Variants in ABCA13 observed in about 807,000 individuals in gnomAD.
ABCA13 encodes the protein ATP binding cassette subfamily A member 13.
Under a neutral mutation model 478.7 loss-of-function variants are expected in ABCA13, and 476 were observed. That is an observed-to-expected ratio of 0.99 (90% CI 0.92 to 1.07). The LOEUF is 1.07. Ranked by LOEUF, ABCA13 falls within the 50% of genes least tolerant of loss-of-function variation. The pLI is 0.00. For missense variants in ABCA13, 6,060 were observed against 5,910.6 expected (o/e 1.03, Z -0.83); for synonymous variants, 2,252 against 2,158.9 (o/e 1.04, Z -1.20).
At chr7:48,551,048 C>T (rs1462878039) in intron 55 of ABCA13, among the ~76,000 whole-genome samples, 1 of 151,546 alleles carries the variant, frequency 6.6e-6, no homozygotes, top group Non-Finnish European at 1.5e-5. Context: ...CTAAATAAAT[C>T]ATTTTTTCTT....
chr7:48,270,481 C>T (rs1795450908), intron 16 of ABCA13, among the ~76,000 whole-genome samples: 1 of 152,130 alleles, frequency 6.6e-6, no homozygotes, highest in Admixed American at 6.5e-5. Context: ...GTTTTATATT[C>T]TCCTCTATCA....
intron 19 of ABCA13, among the ~76,000 whole-genome samples, chr7:48,286,018 T>A (rs1006940512): frequency 6.6e-6 from 1 of 152,226 alleles, no homozygotes; most frequent in Non-Finnish European, 1.5e-5. Context: ...GGTTGAAAAC[T>A]GTTTTAGTAA....
chr7:48,171,501 C>A lies in ABCA13; in HGVS notation c.18C>A (p.Cys6Ter), dbSNP rs1414689998. MGHAG[C>*]QFKALLWKNW... ...CAGCAGGCATGGGGCATGCCGGGTG[C>A]CAGTTCAAAGCCCTGCTGTGGAAGA... Residue 6 changes from cysteine to a stop codon, truncating the protein, a stop_gained, in exon 1 of 62, where the codon TGC becomes TGA. Transcript: ENST00000435803. LOFTEE classifies it high-confidence loss of function. 48 of 1,536,066 alleles carry A rather than the reference C, an allele frequency of 3.1e-5. No individual in the cohort carries two copies. Among genetic ancestry groups the A allele is most frequent in the South Asian group, 6.0e-5 (5 of 84,006 alleles).
intron 43 of ABCA13, among the ~76,000 whole-genome samples, chr7:48,459,152 C>G (rs1033258073): frequency 3.9e-5 from 6 of 152,248 alleles, no homozygotes; most frequent in Admixed American, 1.3e-4. Context: ...CACAGAGCAG[C>G]CCCAGAGAAA....
chr7:48,457,919 C>CT (rs1563290088), intron 43 of ABCA13, among the ~76,000 whole-genome samples: 1 of 152,150 alleles, frequency 6.6e-6, no homozygotes, highest in Non-Finnish European at 1.5e-5. Context: ...CATTTTCTTG[C>CT]TTTTTTGTTA....
At chr7:48,327,628 A>T (rs979728728) in intron 27 of ABCA13, among the ~76,000 whole-genome samples, 4 of 152,224 alleles carry the variant, frequency 2.6e-5, no homozygotes, top group Admixed American at 2.6e-4. Flanking sequence ...TTATTAGATG[A>T]TAAACAGAAG....
intron 42 of ABCA13, among the ~76,000 whole-genome samples, chr7:48,449,021 T>C (rs1015372217): frequency 6.6e-6 from 1 of 152,042 alleles, no homozygotes; most frequent in African/African-American, 2.4e-5. Context: ...TTTTGTATTT[T>C]TAGTAGAGAT....
At chr7:48,353,327 T>G (rs1197386349) in intron 31 of ABCA13, among the ~76,000 whole-genome samples, 2 of 151,644 alleles carry the variant, frequency 1.3e-5, no homozygotes, top group Non-Finnish European at 2.9e-5. Context: ...CTGGATAATG[T>G]AGGTCATTCA....
chr7:48,505,986 T>C (rs1831171908), intron 48 of ABCA13, among the ~76,000 whole-genome samples: 1 of 152,208 alleles, frequency 6.6e-6, no homozygotes, highest in Non-Finnish European at 1.5e-5. Context: ...CTTCTTTGCA[T>C]ATTGTTACTT....
At chr7:48,442,702 C>T (rs1823790791) in intron 42 of ABCA13, among the ~76,000 whole-genome samples, 2 of 152,190 alleles carry the variant, frequency 1.3e-5, no homozygotes, top group South Asian at 2.1e-4. Context: ...TATTGGGTTT[C>T]ACCCCCAAAT....
intron 32 of ABCA13, among the ~76,000 whole-genome samples, chr7:48,368,328 G>A (rs1362082217): frequency 6.6e-6 from 1 of 151,830 alleles, no homozygotes; most frequent in Non-Finnish European, 1.5e-5. Context: ...TATTTCCATA[G>A]GTTTTTTGGG....
At chr7:48,174,777 T>A (rs1794618657) in intron 1 of ABCA13, among the ~76,000 whole-genome samples, 1 of 152,234 alleles carries the variant, frequency 6.6e-6, no homozygotes, top group South Asian at 2.1e-4. Context: ...GTCATAGCTT[T>A]TTTCCCACTT....
chr7:48,410,979 CTTTCTT>C (rs1284118322), intron 40 of ABCA13, among the ~76,000 whole-genome samples: 1 of 34,416 alleles, frequency 2.9e-5, no homozygotes, highest in African/African-American at 1.1e-4. Context: ...ATTCTTTTCT[CTTTCTT>C]TCTTTCTTTC....
intron 58 of ABCA13, among the ~76,000 whole-genome samples, chr7:48,609,088 G>A (rs1791764646): frequency 6.6e-6 from 1 of 152,054 alleles, no homozygotes. Flanking sequence ...TGCTTTGCCA[G>A]TTCTAGAAAC....
chr7:48,270,554 G>T (rs1351416564), intron 16 of ABCA13, among the ~76,000 whole-genome samples: 3 of 152,122 alleles, frequency 2.0e-5, no homozygotes, highest in South Asian at 4.1e-4. Context: ...TTTAGGCAAG[G>T]TTTATGTTGA....
intron 42 of ABCA13, among the ~76,000 whole-genome samples, chr7:48,429,393 A>G (rs1020026406): frequency 2.0e-5 from 3 of 152,206 alleles, no homozygotes; most frequent in African/African-American, 4.8e-5. Flanking sequence ...CCAGTAGTAT[A>G]TGAAGTTTCT....
chr7:48,517,450 G>T (rs969035933), intron 52 of ABCA13, among the ~76,000 whole-genome samples: 2 of 152,188 alleles, frequency 1.3e-5, no homozygotes, highest in Non-Finnish European at 2.9e-5. Context: ...TGGTCAGGAA[G>T]AACTTCTCCT....
At chr7:48,233,565 G>A (rs1396276618) in intron 7 of ABCA13, among the ~76,000 whole-genome samples, 2 of 152,158 alleles carry the variant, frequency 1.3e-5, no homozygotes, top group Non-Finnish European at 2.9e-5. Context: ...AGACTCCATA[G>A]TATTTTATGC....
At chr7:48,377,878 T>A (rs891153795) in intron 35 of ABCA13, among the ~76,000 whole-genome samples, 2 of 152,206 alleles carry the variant, frequency 1.3e-5, no homozygotes, top group East Asian at 1.9e-4. Flanking sequence ...ACATTTGTGA[T>A]GTCCATCTAA....
Sources: gnomAD v4.1 joint callset for allele counts (sites outside exome capture counted in the v4.1 genomes callset) on GRCh38, gnomAD v4.1.1 for gene constraint, MANE v1.5 for transcripts, NCBI Gene and HGNC (gene_info 2026-07-23, HGNC 2026-07-21) for gene names.